The following STK10 variants were observed in gnomAD, a reference collection of about 807,000 sequenced individuals.
The protein encoded by STK10 is serine/threonine kinase 10.
In STK10, 78 loss-of-function variants were observed where a neutral mutation model predicts 113.8. The ratio of observed to expected loss-of-function variants is 0.69; its 90% CI spans 0.57 to 0.83. The LOEUF is 0.83. Among genes scored for constraint, STK10 ranks in the 40% least tolerant of loss-of-function variants. The pLI is 0.00. For synonymous variants in STK10, 465 were observed against 494.7 expected (o/e 0.94, Z 0.80); for missense variants, 1,109 against 1,280.1 (o/e 0.87, Z 2.04).
At position 172,044,941 on chromosome 5, in the gene STK10, G is replaced by C. The variant is rs1156582570; in HGVS notation, c.2848C>G (p.Pro950Ala). 4 of 1,614,202 alleles carry C rather than the reference G, an allele frequency of 2.5e-6. No homozygotes were observed. The highest frequency in any genetic ancestry group is 1.1e-5 in the South Asian group (1 of 91,088). The part of the protein sequence containing the change: ...KLSEEAECPN[P>A]STPSKAAKFF... ...TTGGCGGCCTTGCTTGGGGTGGAGG[G>C]GTTTGGGCACTCCGCCTCCTCGCTC... is the stretch of plus-strand genomic sequence containing the variant. Residue 950 changes from proline (P) to alanine (A), a missense_variant, in exon 19 of 19, where the codon CCC (proline) becomes GCC (alanine). By Grantham distance (27) the Pro-to-Ala change is conservative (BLOSUM62 -1). Coordinates refer to ENST00000176763, the MANE Select transcript of STK10 (RefSeq NM_005990.4). This position sits in a 1 kb window ranked among gnomAD's most constrained non-coding sequence, Gnocchi z 4.5.
intron 1 of STK10, among the ~76,000 whole-genome samples, chr5:172,179,891 G>A (rs3797321): frequency 5.1e-4 from 78 of 152,232 alleles, no homozygotes; most frequent in African/African-American, 1.8e-3. Context: ...CGGGCAAGAC[G>A]GCCTGGGAGG....
Position 172,054,399 on chromosome 5 carries a change from C to T in STK10, c.2652+170G>A, listed in dbSNP as rs147620722. ...TGGCTTAGGAGGGTGATATGATTTG[C>T]CCAACCTCACAGAGCCCTAGAGCAG... On this transcript the variant is annotated intron_variant, in intron 17 of 18. Coordinates refer to ENST00000176763, the MANE Select transcript of STK10 (RefSeq NM_005990.4). Among the ~76,000 whole-genome samples, 938 of 152,238 alleles carry T rather than the reference C, an allele frequency of 6.2e-3. 6 individuals carry two copies. Among genetic ancestry groups the T allele is most frequent in the Non-Finnish European group, 9.9e-3 (673 of 68,012 alleles).
rs986787198 is a variant in STK10, at chr5:172,128,325, C to A, written c.322-904G>T. ...CGGGCTCTTTGCATAGATGCTTTTT[C>A]TTTTCTTTCTTCTTTCCTTTTTTTT... On this transcript the variant is annotated intron_variant, in intron 2 of 18. Coordinates refer to ENST00000176763, the MANE Select transcript of STK10 (RefSeq NM_005990.4). Among the ~76,000 whole-genome samples, 7 of 141,946 alleles carry A rather than the reference C, an allele frequency of 4.9e-5. No individual in the cohort carries two copies. In the South Asian group the frequency reaches 6.9e-4, roughly 14 times the overall value. The allele number at this position is 141,946 out of a possible 152,430, so 93.1% of individuals were successfully genotyped here. A position where few individuals can be genotyped will look rare whatever the true frequency, so the allele number is the denominator to read the frequency against.
At position 172,093,562 on chromosome 5, in the gene STK10, GC is replaced by G; in HGVS notation, c.1403del (p.Gly468AlafsTer41). Reference protein sequence around the residue: ...ETLGGEKLANGSLEPPAQAAP... With the variant: ...ETLGGEKLANXSLEPPAQAAP... Reference sequence around the variant, plus strand: ...CTGCCTGGGCAGGTGGCTCCAGGCTGCCATTGGCCAGCTTCTCCCCACCCAA... The same window carrying G: ...CTGCCTGGGCAGGTGGCTCCAGGCTGCATTGGCCAGCTTCTCCCCACCCAA... On this transcript the variant is annotated frameshift_variant, in exon 9 of 19. Coordinates refer to ENST00000176763, the MANE Select transcript of STK10 (RefSeq NM_005990.4). LOFTEE classifies it high-confidence loss of function. This position sits in a 1 kb window ranked among gnomAD's most constrained non-coding sequence, Gnocchi z 4.1. 6.2e-7 allele frequency: 1 copy of G among 1,614,196 alleles called. No homozygotes were observed. The highest frequency in any genetic ancestry group is 8.5e-7 in the Non-Finnish European group (1 of 1,180,036).
chr5:172,158,919 G>T (rs945414508), intron 1 of STK10, among the ~76,000 whole-genome samples: 1 of 152,152 alleles, frequency 6.6e-6, no homozygotes, highest in Non-Finnish European at 1.5e-5. Context: ...AGTGGGTAAA[G>T]AGTTTTTGTA....
At chr5:172,088,173 G>A (rs948845206) in intron 10 of STK10, among the ~76,000 whole-genome samples, 6 of 152,118 alleles carry the variant, frequency 3.9e-5, no homozygotes, top group African/African-American at 1.4e-4. Context: ...GCCTCCCAAA[G>A]TGCTGAAATT....
intron 1 of STK10, among the ~76,000 whole-genome samples, chr5:172,173,245 A>G: frequency 6.6e-6 from 1 of 152,212 alleles, no homozygotes; most frequent in East Asian, 1.9e-4. Flanking sequence ...GAGGGAGCTC[A>G]GGCTTCCCCA....
rs992385109 is a variant in STK10 at position 172,093,354 on chromosome 5, C to A, written c.1554+58G>T. 2 of 1,512,740 alleles carry A rather than the reference C, an allele frequency of 1.3e-6. No individual in the cohort carries two copies. Among genetic ancestry groups the A allele is most frequent in the Non-Finnish European group, 1.8e-6 (2 of 1,127,184 alleles). The allele number at this position is 1,512,740 out of a possible 1,614,324, so 93.7% of individuals were successfully genotyped here. On this transcript the variant is annotated intron_variant, in intron 9 of 18. Transcript: ENST00000176763. The surrounding 1 kb of genome is among the most constrained non-coding windows in gnomAD (Gnocchi z 4.1). ...AAATGCTTTTGAAACCAAAATGGAG[C>A]CACAGAACATCCTGCAATGGTCTTG...
chr5:172,079,718 CCTGA>C (rs1340109244), intron 12 of STK10, among the ~76,000 whole-genome samples: 5 of 151,988 alleles, frequency 3.3e-5, no homozygotes, highest in African/African-American at 1.2e-4. Context: ...TGTGATCATG[CCTGA>C]CTAATTTTTT....
chr5:172,136,122 A>G (rs1375055373), intron 2 of STK10, among the ~76,000 whole-genome samples: 1 of 152,204 alleles, frequency 6.6e-6, no homozygotes, highest in African/African-American at 2.4e-5. Flanking sequence ...AAGGGGACAC[A>G]TTACTACTGA....
chr5:172,169,001 G>A (rs577074213), intron 1 of STK10, among the ~76,000 whole-genome samples: 3 of 152,006 alleles, frequency 2.0e-5, no homozygotes, highest in East Asian at 1.9e-4. Context: ...CCAGGGTCCC[G>A]CCATTCCCTC....
chr5:172,172,224 C>G (rs1442470162), intron 1 of STK10, among the ~76,000 whole-genome samples: 1 of 152,124 alleles, frequency 6.6e-6, no homozygotes, highest in African/African-American at 2.4e-5. Context: ...CACAGCCCTT[C>G]GGAGCACAAA....
intron 1 of STK10, among the ~76,000 whole-genome samples, chr5:172,170,024 G>A (rs759453123): frequency 6.6e-6 from 1 of 151,894 alleles, no homozygotes; most frequent in Non-Finnish European, 1.5e-5. Context: ...TTCTCTCTTG[G>A]AACTGTGTAT....
chr5:172,065,292 CT>C (rs535856789), intron 12 of STK10, among the ~76,000 whole-genome samples: 4,307 of 123,148 alleles, frequency 0.035, 63 homozygotes, highest in African/African-American at 0.055. Context: ...TGAAAATGCA[CT>C]TTTTTTTTTT....
intron 4 of STK10, 87 bp from the exon 5 acceptor site, chr5:172,107,939 G>T (rs1581160159): frequency 1.8e-6 from 2 of 1,130,814 alleles, no homozygotes; most frequent in South Asian, 2.6e-5. Flanking sequence ...CACATTCCAA[G>T]TCGACTAACA....
At chr5:172,100,988 C>CA (rs1386611049) in intron 7 of STK10, among the ~76,000 whole-genome samples, 1 of 152,124 alleles carries the variant, frequency 6.6e-6, no homozygotes, top group Non-Finnish European at 1.5e-5. Context: ...CTGTGGCCTA[C>CA]AGGCTGTGTG....
chr5:172,149,345 A>G (rs1451736699), intron 2 of STK10, among the ~76,000 whole-genome samples: 2 of 152,172 alleles, frequency 1.3e-5, no homozygotes, highest in Admixed American at 1.3e-4. Flanking sequence ...CCTCTAGGCC[A>G]AGGAGCTGCC....
At chr5:172,130,545 A>T (rs1247675008) in intron 2 of STK10, among the ~76,000 whole-genome samples, 2 of 147,798 alleles carry the variant, frequency 1.4e-5, no homozygotes, top group African/African-American at 5.1e-5. Context: ...AAAAAAAAAA[A>T]CCGAAAAACC....
At chr5:172,179,488 T>G (rs1048811116) in intron 1 of STK10, among the ~76,000 whole-genome samples, 2 of 152,150 alleles carry the variant, frequency 1.3e-5, no homozygotes, top group Non-Finnish European at 2.9e-5. Context: ...GAGTCCTAGG[T>G]GGAGGGCGGG....
Sources: allele counts gnomAD v4.1 joint callset (sites outside exome capture counted in the v4.1 genomes callset), GRCh38; gene constraint gnomAD v4.1.1; non-coding constraint Gnocchi (gnomAD v3.1); transcripts MANE v1.5; gene names NCBI Gene and HGNC (gene_info 2026-07-23, HGNC 2026-07-21).